REV3L: variants seen among roughly 807,000 people sequenced by gnomAD.
REV3L encodes the protein REV3 like, DNA directed polymerase zeta catalytic subunit, also known as DNA polymerase zeta catalytic subunit.
A neutral mutation model predicts 299.4 loss-of-function variants in REV3L; 69 were observed. The observed-to-expected ratio is 0.23, with a 90% CI of 0.19 to 0.28. The LOEUF is 0.28. Ranked by LOEUF, REV3L falls within the 10% of genes least tolerant of loss-of-function variation. The pLI, the probability that REV3L is intolerant of heterozygous loss-of-function variation, is 1.00. For synonymous variants in REV3L, 1,238 were observed against 1,271.4 expected (o/e 0.97, Z 0.56); for missense variants, 3,128 against 3,693.8 (o/e 0.85, Z 3.97).
Position 111,351,808 on chromosome 6 carries a change from A to G in REV3L, c.7185-17T>C. On this transcript the variant is annotated splice_polypyrimidine_tract_variant and intron_variant, in intron 18 of 31. Transcript: ENST00000368802. ...GGATCATACCTAAAAAAGGAATTTA[A>G]AAAAGTTATATAAGTACCATACATT... The G allele has an allele frequency of 6.6e-7, 1 of 1,517,102 alleles. No homozygotes were observed. 94.0% of individuals were successfully genotyped at this position (1,517,102 alleles called of 1,614,324 possible). A position where few individuals can be genotyped will look rare whatever the true frequency, so the allele number is the denominator to read the frequency against.
chr6:111,452,437 A>G (rs1789660219), intron 1 of REV3L, among the ~76,000 whole-genome samples: 1 of 152,252 alleles, frequency 6.6e-6, no homozygotes, highest in Admixed American at 6.5e-5. Context: ...GAAACAATCC[A>G]AATGTTCAGC....
At chr6:111,313,733 A>G (rs1359432973) in intron 27 of REV3L, among the ~76,000 whole-genome samples, 1 of 152,208 alleles carries the variant, frequency 6.6e-6, no homozygotes, top group Non-Finnish European at 1.5e-5. Flanking sequence ...AATAAAGTAT[A>G]AACACTTTAG....
Position 111,373,977 on chromosome 6 carries a change from C to G in REV3L, c.4378G>C (p.Val1460Leu), listed in dbSNP as rs371402394. 7 of 1,613,992 alleles carry G rather than the reference C, an allele frequency of 4.3e-6. No homozygotes were observed. The highest frequency in any genetic ancestry group is 2.7e-5 in the African/African-American group (2 of 74,928). The stretch of plus-strand genomic sequence containing the variant: ...TTGATTGGACTTCTCAAGGAAGTTA[C>G]AAAGCAATTATTAGGCATTTGGCTT... ...EESQMPNNCFVTSLRSPIKQI... is the reference protein window; with the variant it reads ...EESQMPNNCFLTSLRSPIKQI... Residue 1460 changes from valine (V) to leucine (L), a missense_variant, in exon 13 of 32, where the codon GTA becomes CTA. Coordinates refer to ENST00000368802, the MANE Select transcript of REV3L (RefSeq NM_001372078.1).
chr6:111,437,205 G>A (rs972961557), intron 1 of REV3L, among the ~76,000 whole-genome samples: 1 of 152,090 alleles, frequency 6.6e-6, no homozygotes. Context: ...AAAAAATAGA[G>A]TTATCATATG....
chr6:111,417,274 C>T (rs183158196), intron 1 of REV3L, among the ~76,000 whole-genome samples: 6 of 152,226 alleles, frequency 3.9e-5, no homozygotes, highest in East Asian at 3.9e-4. Flanking sequence ...GCCACAGAAA[C>T]GATAATCTGT....
chr6:111,418,405 T>C (rs1269610566), intron 1 of REV3L, among the ~76,000 whole-genome samples: 2 of 152,210 alleles, frequency 1.3e-5, no homozygotes, highest in Admixed American at 6.5e-5. Flanking sequence ...TTAAAAATAA[T>C]TTTATATCCA....
chr6:111,392,636 AACAATATCT>A (rs778393381), intron 5 of REV3L: 22 of 308,600 alleles, frequency 7.1e-5, no homozygotes, highest in Non-Finnish European at 1.1e-4. Flanking sequence ...AGAAAAGTAT[AACAATATCT>A]ACCTTGTATT....
In REV3L at chr6:111,464,283, CT is replaced by C. The variant is rs554347997; in HGVS notation, c.139+18466del. On this transcript the variant is annotated intron_variant, in intron 1 of 31. Transcript: ENST00000368802. The stretch of plus-strand genomic sequence containing the variant: ...TGTATACGATCATTAGTTCTTTATG[CT>C]AGGGAAGGCAAATCTATCTTTTTAT... Among the ~76,000 whole-genome samples, 39 of 152,168 alleles carry C rather than the reference CT, an allele frequency of 2.6e-4. No individual in the cohort carries two copies. The South Asian group carries it at 7.5e-3, about 29-fold the overall frequency.
At chr6:111,478,629 C>CAA (rs35796020) in intron 1 of REV3L, among the ~76,000 whole-genome samples, 151 of 128,464 alleles carry the variant, frequency 1.2e-3, no homozygotes, top group African/African-American at 3.8e-3. Context: ...TCCAATTTAC[C>CAA]AAAAAAAAAA....
At chr6:111,366,626 A>G (rs1020946446) in intron 14 of REV3L, among the ~76,000 whole-genome samples, 3 of 127,758 alleles carry the variant, frequency 2.3e-5, no homozygotes, top group Non-Finnish European at 5.7e-5. Flanking sequence ...GTTTACTGGG[A>G]ATCTTTACAA....
intron 2 of REV3L, among the ~76,000 whole-genome samples, chr6:111,415,323 C>A (rs1405184849): frequency 6.6e-6 from 1 of 152,128 alleles, no homozygotes; most frequent in Non-Finnish European, 1.5e-5. Context: ...GACCTAGATA[C>A]CAGTCTCATC....
chr6:111,389,800 G>C (rs551871508), intron 6 of REV3L, among the ~76,000 whole-genome samples: 4 of 134,740 alleles, frequency 3.0e-5, no homozygotes, highest in Admixed American at 8.6e-5. Context: ...GCAGTGGTGC[G>C]ATCTTGGCCC....
Position 111,357,073 on chromosome 6 carries a change from T to A in REV3L, c.7125A>T (p.Glu2375Asp), listed in dbSNP as rs776041232. The A allele has an allele frequency of 2.1e-5, 33 of 1,601,938 alleles. 1 individual carries two copies. The highest frequency in any genetic ancestry group is 2.7e-5 in the Non-Finnish European group (32 of 1,173,180). The part of the protein sequence containing the change: ...LLIRSGITGL[E>D]VTYAADEKAL... Reference sequence around the variant, plus strand: ...CCTTCTCATCAGCAGCATAGGTGACTTCGAGTCCTGTAATTCCAGATCTAA... The same window carrying A: ...CCTTCTCATCAGCAGCATAGGTGACATCGAGTCCTGTAATTCCAGATCTAA... Residue 2375 changes from glutamate to aspartate, a missense_variant, in exon 18 of 32, where the codon GAA (glutamate) becomes GAT (aspartate). This residue lies in a region of REV3L where 82 missense variants were observed against 142.7 expected (regional missense o/e 0.57). Transcript: ENST00000368802.
chr6:111,379,460 CAG>C (rs1780613086), intron 11 of REV3L, among the ~76,000 whole-genome samples: 1 of 152,216 alleles, frequency 6.6e-6, no homozygotes, highest in African/African-American at 2.4e-5. Context: ...ATCAAGTTCA[CAG>C]AGACTGATTT....
intron 10 of REV3L, among the ~76,000 whole-genome samples, chr6:111,380,621 G>C (rs1780739127): frequency 6.6e-6 from 1 of 152,198 alleles, no homozygotes; most frequent in Non-Finnish European, 1.5e-5. Context: ...CATAGATACT[G>C]GCACAGGCTG....
At chr6:111,458,833 G>C (rs1179966998) in intron 1 of REV3L, among the ~76,000 whole-genome samples, 1 of 151,598 alleles carries the variant, frequency 6.6e-6, no homozygotes, top group Admixed American at 6.6e-5. Flanking sequence ...GGAAGAATCA[G>C]TATCATTAAA....
intron 9 of REV3L, among the ~76,000 whole-genome samples, chr6:111,385,406 T>A (rs977250054): frequency 3.3e-5 from 5 of 151,894 alleles, no homozygotes; most frequent in African/African-American, 7.3e-5. Context: ...TTAAAAAAAA[T>A]TTAAAAGTAA....
intron 21 of REV3L, among the ~76,000 whole-genome samples, chr6:111,342,485 G>A (rs968237916): frequency 6.6e-6 from 1 of 152,070 alleles, no homozygotes; most frequent in African/African-American, 2.4e-5. Context: ...TGGCTAACAT[G>A]GTGAAACCCC....
chr6:111,479,988 T>C (rs931573491), intron 1 of REV3L, among the ~76,000 whole-genome samples: 3 of 152,208 alleles, frequency 2.0e-5, no homozygotes, highest in African/African-American at 7.2e-5. Context: ...CAGGCAATAA[T>C]AGAAAAACTA....
Sources: allele counts gnomAD v4.1 joint callset (sites outside exome capture counted in the v4.1 genomes callset), GRCh38; gene constraint gnomAD v4.1.1; regional missense constraint gnomAD v4.1.1; transcripts MANE v1.5; gene names NCBI Gene and HGNC (gene_info 2026-07-23, HGNC 2026-07-21).